Variants in MSRA observed in about 807,000 individuals in gnomAD.
MSRA encodes the protein methionine sulfoxide reductase A, also known as mitochondrial peptide methionine sulfoxide reductase.
A neutral mutation model predicts 31.3 loss-of-function variants in MSRA; 54 were observed. The ratio of observed to expected loss-of-function variants is 1.73; its 90% CI spans 1.39 to 2.17. MSRA has a LOEUF of 2.17. Ranked by LOEUF, MSRA falls within the 30% of genes most tolerant of loss-of-function variation. MSRA has a pLI of 0.00. For missense variants in MSRA, 507 were observed against 300.9 expected (o/e 1.69, Z -5.07); for synonymous variants, 169 against 116.5 (o/e 1.45, Z -2.90).
chr8:10,068,003 C>T (rs947257249), intron 1 of MSRA, among the ~76,000 whole-genome samples: 3 of 147,388 alleles, frequency 2.0e-5, no homozygotes, highest in Middle Eastern at 3.8e-3. Context: ...CATGCGTCAG[C>T]TTCCTGGGTA....
rs559927488 is a variant in MSRA at position 10,078,435 on chromosome 8, C to T, written c.142+23777C>T. On this transcript the variant is annotated intron_variant, in intron 1 of 5. Coordinates refer to ENST00000317173, the MANE Select transcript of MSRA (RefSeq NM_012331.5). ...TCACTGGGGACCCTTGGCGCAGCCCCGTTCACATGGTTGCTGTGGTGCTGG... is the reference window on the plus strand; with the variant it reads ...TCACTGGGGACCCTTGGCGCAGCCCTGTTCACATGGTTGCTGTGGTGCTGG... 2.6e-5 allele frequency among the ~76,000 whole-genome samples: 4 copies of T among 152,336 alleles called. No homozygotes were observed. The South Asian group carries it at 8.3e-4, about 32-fold the overall frequency.
At chr8:10,340,631 C>A (rs1803367280) in intron 5 of MSRA, among the ~76,000 whole-genome samples, 1 of 152,252 alleles carries the variant, frequency 6.6e-6, no homozygotes, top group South Asian at 2.1e-4. Flanking sequence ...CCTCAGCCTC[C>A]CAAAGTGCTG....
chr8:10,119,684 G>C (rs907966749), intron 1 of MSRA, among the ~76,000 whole-genome samples: 33 of 152,224 alleles, frequency 2.2e-4, no homozygotes, highest in Non-Finnish European at 4.0e-4. Flanking sequence ...AGAGCACCAG[G>C]TTGTCAGTGA....
chr8:10,238,320 C>G lies in MSRA; in HGVS notation c.212-6784C>G, dbSNP rs141264824. ...TGCTTTCCCAGCCCACCTGATCTCT[C>G]TGACCTGCTCTGCTTTTCTTTTCAT... On this transcript the variant is annotated intron_variant, in intron 2 of 5. Coordinates refer to ENST00000317173, the MANE Select transcript of MSRA (RefSeq NM_012331.5). Among the ~76,000 whole-genome samples the G allele has an allele frequency of 1.7e-3, 262 of 152,324 alleles. 8 individuals carry two copies. The highest frequency in any genetic ancestry group is 3.5e-4 in the Non-Finnish European group (24 of 68,022).
chr8:10,216,891 C>T (rs1272947093), intron 2 of MSRA, among the ~76,000 whole-genome samples: 1 of 152,148 alleles, frequency 6.6e-6, no homozygotes, highest in Non-Finnish European at 1.5e-5. Context: ...TCTTCAAGTC[C>T]CTGCTTTCCA....
chr8:10,398,560 T>A (rs556848188), intron 5 of MSRA, among the ~76,000 whole-genome samples: 29 of 152,344 alleles, frequency 1.9e-4, no homozygotes, highest in Admixed American at 1.2e-3. Context: ...TGCCCAGAAC[T>A]GGACAGTGGC....
At chr8:10,227,907 C>G (rs987193315) in intron 2 of MSRA, among the ~76,000 whole-genome samples, 2 of 152,116 alleles carry the variant, frequency 1.3e-5, no homozygotes, top group Admixed American at 1.3e-4. Flanking sequence ...TGTAGATTTT[C>G]AGAAAAGTAA....
At chr8:10,134,738 C>T (rs1477304743) in intron 1 of MSRA, among the ~76,000 whole-genome samples, 1 of 152,230 alleles carries the variant, frequency 6.6e-6, no homozygotes, top group Non-Finnish European at 1.5e-5. Context: ...GGAGGGCAGT[C>T]TTCTCCTATG....
At chr8:10,279,796 C>T (rs1318498213) in intron 3 of MSRA, among the ~76,000 whole-genome samples, 20 of 152,110 alleles carry the variant, frequency 1.3e-4, no homozygotes, top group Non-Finnish European at 1.2e-4. Context: ...ATCCATTATG[C>T]CATCACTGAC....
rs1261688779 is a variant in MSRA at position 10,413,231 on chromosome 8, A to G, written c.544-14917A>G. Among the ~76,000 whole-genome samples, 2 of 152,342 alleles carry G rather than the reference A, an allele frequency of 1.3e-5. 1 individual carries two copies. The highest frequency in any genetic ancestry group is 1.3e-4 in the Admixed American group (2 of 15,308). On this transcript the variant is annotated intron_variant, in intron 5 of 5. Coordinates refer to ENST00000317173, the MANE Select transcript of MSRA (RefSeq NM_012331.5). ...GGGTCCCTGAAGCTTCCTGTGCTCT[A>G]GCGCACACACAGCCCTCAGCAAAGG...
At chr8:10,395,833 A>T (rs1807062923) in intron 5 of MSRA, among the ~76,000 whole-genome samples, 1 of 152,200 alleles carries the variant, frequency 6.6e-6, no homozygotes, top group African/African-American at 2.4e-5. Flanking sequence ...AGAGGCACAT[A>T]TCTTTAATAA....
chr8:10,160,776 C>A (rs1011636630), intron 1 of MSRA, among the ~76,000 whole-genome samples: 1 of 152,124 alleles, frequency 6.6e-6, no homozygotes, highest in African/African-American at 2.4e-5. Flanking sequence ...GATCCACACC[C>A]CTTGGCCTCC....
intron 1 of MSRA, among the ~76,000 whole-genome samples, chr8:10,075,855 T>C (rs1411813208): frequency 6.6e-6 from 1 of 152,216 alleles, no homozygotes; most frequent in Non-Finnish European, 1.5e-5. Context: ...TCCTCTCTTT[T>C]CCTAATACCA....
At chr8:10,255,685 C>A (rs2952204) in intron 3 of MSRA, among the ~76,000 whole-genome samples, 2 of 151,516 alleles carry the variant, frequency 1.3e-5, no homozygotes, top group Admixed American at 1.3e-4. Context: ...TGAAAATGCT[C>A]TGGGGAACAA....
chr8:10,057,425 G>A (rs541030012), intron 1 of MSRA, among the ~76,000 whole-genome samples: 1 of 152,272 alleles, frequency 6.6e-6, no homozygotes. Flanking sequence ...CAGGTAGAAG[G>A]CTCATAATTA....
chr8:10,344,143 T>A (rs142051583), intron 5 of MSRA, among the ~76,000 whole-genome samples: 6 of 152,326 alleles, frequency 3.9e-5, no homozygotes, highest in African/African-American at 1.4e-4. Context: ...GATACTGGCT[T>A]TGAGGTGAGA....
intron 5 of MSRA, among the ~76,000 whole-genome samples, chr8:10,327,300 A>G (rs1281253932): frequency 2.0e-5 from 3 of 152,182 alleles, no homozygotes; most frequent in South Asian, 2.1e-4. Flanking sequence ...TATAGCTACA[A>G]TCTTTAAATA....
chr8:10,348,451 C>A (rs943271833), intron 5 of MSRA, among the ~76,000 whole-genome samples: 6 of 132,388 alleles, frequency 4.5e-5, no homozygotes, highest in Non-Finnish European at 9.3e-5. Context: ...CTCACTGCAA[C>A]CTCTGCCTCC....
At chr8:10,071,408 A>G (rs1797724511) in intron 1 of MSRA, among the ~76,000 whole-genome samples, 2 of 148,378 alleles carry the variant, frequency 1.3e-5, no homozygotes, top group Admixed American at 6.7e-5. Flanking sequence ...TCTGTTAGAT[A>G]TGTGGTTTGT....
Sources: gnomAD v4.1 joint callset for allele counts (sites outside exome capture counted in the v4.1 genomes callset) on GRCh38, gnomAD v4.1.1 for gene constraint, MANE v1.5 for transcripts, NCBI Gene and HGNC (gene_info 2026-07-23, HGNC 2026-07-21) for gene names.